The following NAV2 variants were observed in gnomAD, a reference collection of about 807,000 sequenced individuals.
NAV2 encodes the protein neuron navigator 2.
A neutral mutation model predicts 223.2 loss-of-function variants in NAV2; 54 were observed. That is an observed-to-expected ratio of 0.24 (90% CI 0.19 to 0.30). NAV2 has a LOEUF of 0.30. Ranked by LOEUF, NAV2 falls within the 10% of genes least tolerant of loss-of-function variation. The pLI is 1.00. For missense variants in NAV2, 2,806 were observed against 3,147.5 expected (o/e 0.89, Z 2.60); for synonymous variants, 1,279 against 1,239.3 (o/e 1.03, Z -0.67).
chr11:20,007,739 C>T (rs1466910017), intron 11 of NAV2, among the ~76,000 whole-genome samples: 1 of 152,046 alleles, frequency 6.6e-6, no homozygotes, highest in East Asian at 1.9e-4. Flanking sequence ...GCTCATTGAT[C>T]AGCAGCTGCA....
intron 11 of NAV2, among the ~76,000 whole-genome samples, chr11:20,024,709 T>C (rs937469507): frequency 2.6e-5 from 4 of 152,232 alleles, no homozygotes; most frequent in African/African-American, 4.8e-5. Flanking sequence ...TTTTGGGAGA[T>C]AGCCGCCTCC....
intron 6 of NAV2, among the ~76,000 whole-genome samples, chr11:19,928,145 T>C (rs1281424924): frequency 2.0e-5 from 3 of 152,216 alleles, no homozygotes; most frequent in Non-Finnish European, 4.4e-5. Context: ...TAACAGTGTT[T>C]CTCCCACTTC....
chr11:20,054,153 C>A lies in NAV2; in HGVS notation c.4555C>A (p.Leu1519Ile). 1 of 1,613,828 alleles carries A rather than the reference C, an allele frequency of 6.2e-7. No homozygotes were observed. The highest frequency in any genetic ancestry group is 8.5e-7 in the Non-Finnish European group (1 of 1,179,970). ...GTTACGGTCCCATTCTGCAGGAGGC[C>A]TTCAGGACACCGCTGCCAATTCCCC... ...EWLRSHSAGG[L>I]QDTAANSPFS... The change falls in exon 18 of 38, where the codon CTT (leucine) becomes ATT (isoleucine). Residue 1519 changes from leucine (L) to isoleucine (I), a missense_variant. Coordinates refer to ENST00000349880, the MANE Select transcript of NAV2 (RefSeq NM_145117.5).
At chr11:20,108,344 G>T (rs1297198370) in intron 36 of NAV2, among the ~76,000 whole-genome samples, 1 of 152,174 alleles carries the variant, frequency 6.6e-6, no homozygotes, top group East Asian at 1.9e-4. Flanking sequence ...TGAGGCTGGT[G>T]GCATTCTTTC....
chr11:19,832,720 A>C, intron 2 of NAV2, 119 bp downstream of exon 2: 1 of 780,664 alleles, frequency 1.3e-6, no homozygotes, highest in Non-Finnish European at 2.2e-6. Flanking sequence ...TCATGTCTTG[A>C]CAATTTATTT....
intron 6 of NAV2, among the ~76,000 whole-genome samples, chr11:19,927,731 G>A (rs1213942688): frequency 6.6e-6 from 1 of 150,794 alleles, no homozygotes; most frequent in Non-Finnish European, 1.5e-5. Context: ...ACCTGTTTAA[G>A]GGCTCTGCAA....
At chr11:19,368,982 T>C (rs1157111200) in intron 1 of NAV2, among the ~76,000 whole-genome samples, 4 of 152,232 alleles carry the variant, frequency 2.6e-5, no homozygotes, top group Admixed American at 2.6e-4. Context: ...TTCTCCAAGT[T>C]TGGTCTTCTT....
chr11:19,734,995 T>A (rs1046604608), intron 1 of NAV2, among the ~76,000 whole-genome samples: 2 of 152,238 alleles, frequency 1.3e-5, no homozygotes, highest in African/African-American at 4.8e-5. Context: ...CAGATTTGTT[T>A]GCTGTGTGAC....
At chr11:19,565,856 G>A (rs537129394) in intron 1 of NAV2, among the ~76,000 whole-genome samples, 2 of 152,246 alleles carry the variant, frequency 1.3e-5, no homozygotes, top group Non-Finnish European at 2.9e-5. Flanking sequence ...ATCTAAAGAC[G>A]AAATGCTCGA....
At position 20,058,869 on chromosome 11, in the gene NAV2, T is replaced by C. The variant is rs2058523701; in HGVS notation, c.4831+2912T>C. 2.6e-5 allele frequency among the ~76,000 whole-genome samples: 4 copies of C among 152,358 alleles called. No individual in the cohort carries two copies. In the South Asian group the frequency reaches 8.3e-4, roughly 32 times the overall value. ...AAATAACTTTGAAAGGGGAGTATTG[T>C]AAGTGCTCACTCAATGGTAGCTATT... On this transcript the variant is annotated intron_variant, in intron 19 of 37. Coordinates refer to ENST00000349880, the MANE Select transcript of NAV2 (RefSeq NM_145117.5).
chr11:19,652,129 GCCTATTAGAA>G (rs1222263248), intron 1 of NAV2, among the ~76,000 whole-genome samples: 1 of 152,068 alleles, frequency 6.6e-6, no homozygotes, highest in African/African-American at 2.4e-5. Context: ...ATTAAATGAA[GCCTATTAGAA>G]AAAAATGCCA....
intron 1 of NAV2, among the ~76,000 whole-genome samples, chr11:19,444,552 C>T (rs189444799): frequency 1.6e-4 from 25 of 152,068 alleles, no homozygotes; most frequent in Non-Finnish European, 2.6e-4. Flanking sequence ...GCTGTAGAAC[C>T]GGCCCCCCAC....
At chr11:19,720,811 T>G (rs750151399) in intron 1 of NAV2, among the ~76,000 whole-genome samples, 18 of 152,230 alleles carry the variant, frequency 1.2e-4, no homozygotes, top group Non-Finnish European at 1.2e-4. Context: ...CTCTAGGACT[T>G]AGCAACTTTG....
At chr11:19,976,810 T>C (rs917998813) in intron 10 of NAV2, among the ~76,000 whole-genome samples, 2 of 152,166 alleles carry the variant, frequency 1.3e-5, no homozygotes, top group African/African-American at 4.8e-5. Context: ...TCGTGGCCAT[T>C]GAAGAAACTT....
chr11:19,452,017 C>G (rs1851805202), intron 1 of NAV2, among the ~76,000 whole-genome samples: 1 of 152,016 alleles, frequency 6.6e-6, no homozygotes, highest in South Asian at 2.1e-4. Context: ...ATCCTCATAA[C>G]TACGGTATCA....
upstream of NAV2, among the ~76,000 whole-genome samples, chr11:19,709,701 G>C (rs2049804829): frequency 6.6e-6 from 1 of 152,062 alleles, no homozygotes; most frequent in African/African-American, 2.4e-5. Flanking sequence ...CGGGTGTGGT[G>C]GCATGCGCCT....
chr11:19,522,519 C>T (rs552517929), intron 1 of NAV2, among the ~76,000 whole-genome samples: 2 of 152,276 alleles, frequency 1.3e-5, no homozygotes, highest in South Asian at 2.1e-4. Context: ...CCTCACCAGC[C>T]GGGGGTATCC....
chr11:19,546,553 T>C (rs907636029), intron 1 of NAV2, among the ~76,000 whole-genome samples: 5 of 152,166 alleles, frequency 3.3e-5, no homozygotes, highest in Non-Finnish European at 4.4e-5. Flanking sequence ...TGGAGGGCTG[T>C]GTACAGAAGG....
At chr11:19,589,183 A>C (rs758785169) in intron 1 of NAV2, among the ~76,000 whole-genome samples, 2 of 152,232 alleles carry the variant, frequency 1.3e-5, no homozygotes, top group Non-Finnish European at 2.9e-5. Context: ...ATATGGTTAC[A>C]AAACAGTTTA....
Sources: gnomAD v4.1 joint callset for allele counts (sites outside exome capture counted in the v4.1 genomes callset) on GRCh38, gnomAD v4.1.1 for gene constraint, MANE v1.5 for transcripts, NCBI Gene and HGNC (gene_info 2026-07-23, HGNC 2026-07-21) for gene names.